The following DBET variants were observed in gnomAD, a reference collection of about 807,000 sequenced individuals.
DBET encodes the protein D4Z4 binding element transcript (non-protein coding).
chr4:190,064,598 T>A (rs1186707597), exon 1 of DBET: 1 of 139,084 alleles, frequency 7.2e-6, no homozygotes, highest in African/African-American at 3.1e-5. Context: ...GACTCCATCA[T>A]GTCCTTCAGC....
Position 190,064,595 on chromosome 4 carries a change from T to C in DBET, n.94T>C, listed in dbSNP as rs1156265198. The C allele has an allele frequency of 2.2e-5, 3 of 139,028 alleles. 1 individual carries two copies. The highest frequency in any genetic ancestry group is 9.2e-5 in the African/African-American group (3 of 32,504). 8.6% of individuals were successfully genotyped at this position (139,028 alleles called of 1,614,324 possible). ...ACAAACTGTCATCTATATGACTCCA[T>C]CATGTCCTTCAGCACTCCACATCAG... On this transcript the variant is annotated non_coding_transcript_exon_variant, in exon 1 of 1. Transcript: ENST00000630918.
In DBET at chr4:190,065,140, T is replaced by A. The variant is rs1289844133; in HGVS notation, n.639T>A. 32 of 479,930 alleles carry A rather than the reference T, an allele frequency of 6.7e-5. 8 individuals carry two copies. Among genetic ancestry groups the A allele is most frequent in the Non-Finnish European group, 1.2e-4 (32 of 270,762 alleles). 29.7% of individuals were successfully genotyped at this position (479,930 alleles called of 1,614,324 possible). A position where few individuals can be genotyped will look rare whatever the true frequency, so the allele number is the denominator to read the frequency against. On this transcript the variant is annotated non_coding_transcript_exon_variant, in exon 1 of 1. Transcript: ENST00000630918. ...GGATCTGGGAAAATCTGTGCACACT[T>A]CTGGAGACCCTTGTCATGCCATTAT... is the stretch of plus-strand genomic sequence containing the variant.
exon 1 of DBET, chr4:190,065,131 G>C (rs151123004): frequency 2.1e-6 from 1 of 467,620 alleles, no homozygotes; most frequent in Non-Finnish European, 3.8e-6. Context: ...GGGAAAATCT[G>C]TGCACACTTC....
At chr4:190,065,827 C>T (rs1353655233) in exon 1 of DBET, 49 of 81,780 alleles carry the variant, frequency 6.0e-4, no homozygotes, top group Middle Eastern at 4.1e-3. Flanking sequence ...AAACGGAGGC[C>T]CCGGGGGAGC....
At chr4:190,064,929 G>T (rs1365624283) in exon 1 of DBET, 2 of 243,506 alleles carry the variant, frequency 8.2e-6, no homozygotes, top group Non-Finnish European at 1.5e-5. Context: ...TTTTCAGAAA[G>T]CCTACTTCTA....
At chr4:190,065,228 C>G in exon 1 of DBET, 1 of 528,664 alleles carries the variant, frequency 1.9e-6, no homozygotes. Context: ...CATTGGGATG[C>G]GCGCGCCTGG....
chr4:190,065,156 A>G lies in DBET; in HGVS notation n.655A>G. 2 of 495,538 alleles carry G rather than the reference A, an allele frequency of 4.0e-6. 1 individual carries two copies. Among genetic ancestry groups the G allele is most frequent in the South Asian group, 4.2e-5 (2 of 47,884 alleles). 30.7% of individuals were successfully genotyped at this position (495,538 alleles called of 1,614,324 possible). A position where few individuals can be genotyped will look rare whatever the true frequency, so the allele number is the denominator to read the frequency against. Reference sequence around the variant, plus strand: ...GTGCACACTTCTGGAGACCCTTGTCATGCCATTATTTATAAATCTATTGTG... The same window carrying G: ...GTGCACACTTCTGGAGACCCTTGTCGTGCCATTATTTATAAATCTATTGTG... On this transcript the variant is annotated non_coding_transcript_exon_variant, in exon 1 of 1. Coordinates refer to ENST00000630918, the Ensembl canonical transcript of DBET.
At chr4:190,067,659 A>ACCG (rs1740734493) in exon 1 of DBET, 1 of 59,464 alleles carries the variant, frequency 1.7e-5, no homozygotes, top group African/African-American at 2.8e-4. Flanking sequence ...CCCCCCCCCC[A>ACCG]CCACCACCAC....
chr4:190,064,859 C>T (rs1740572125), exon 1 of DBET: 2 of 150,508 alleles, frequency 1.3e-5, no homozygotes, highest in South Asian at 2.0e-4. Context: ...CCCTATTAAA[C>T]GTCACGGACA....
At position 190,065,147 on chromosome 4, in the gene DBET, A is replaced by C; in HGVS notation, n.646A>C. ...GGAAAATCTGTGCACACTTCTGGAGACCCTTGTCATGCCATTATTTATAAA... is the reference window on the plus strand; with the variant it reads ...GGAAAATCTGTGCACACTTCTGGAGCCCCTTGTCATGCCATTATTTATAAA... On this transcript the variant is annotated non_coding_transcript_exon_variant, in exon 1 of 1. Transcript: ENST00000630918. The C allele has an allele frequency of 1.0e-5, 5 of 482,844 alleles. 1 individual carries two copies. The highest frequency in any genetic ancestry group is 1.8e-5 in the Non-Finnish European group (5 of 271,796). 29.9% of individuals were successfully genotyped at this position (482,844 alleles called of 1,614,324 possible).
At chr4:190,065,138 C>T (rs797038175) in exon 1 of DBET, 1 of 477,916 alleles carries the variant, frequency 2.1e-6, no homozygotes, top group Non-Finnish European at 3.7e-6. Context: ...TCTGTGCACA[C>T]TTCTGGAGAC....
rs1336468126 is a variant in DBET, at chr4:190,065,189, T to A, written n.688T>A. The A allele has an allele frequency of 8.6e-6, 5 of 579,318 alleles. 1 individual carries two copies. The highest frequency in any genetic ancestry group is 5.3e-5 in the Admixed American group (2 of 37,414). 35.9% of individuals were successfully genotyped at this position (579,318 alleles called of 1,614,324 possible). ...ATTTATAAATCTATTGTGCCTCAAG[T>A]CAGAAGTGTGTGAGGGGAGATGGGG... On this transcript the variant is annotated non_coding_transcript_exon_variant, in exon 1 of 1. Coordinates refer to ENST00000630918, the Ensembl canonical transcript of DBET.
chr4:190,065,149 C>T (rs1360774104), exon 1 of DBET: 8 of 489,480 alleles, frequency 1.6e-5, no homozygotes, highest in African/African-American at 2.9e-5. Context: ...TTCTGGAGAC[C>T]CTTGTCATGC....
At chr4:190,064,891 G>A (rs1455748579) in exon 1 of DBET, 2 of 185,164 alleles carry the variant, frequency 1.1e-5, no homozygotes, top group African/African-American at 3.1e-5. Flanking sequence ...TGAATATACT[G>A]TGGTCATCTC....
At chr4:190,064,557 CT>C (rs1472657200) in exon 1 of DBET, 1 of 139,408 alleles carries the variant, frequency 7.2e-6, no homozygotes, top group Non-Finnish European at 1.5e-5. Flanking sequence ...ACTCATCTTT[CT>C]TCTCAGCAGA....
chr4:190,065,155 C>G, exon 1 of DBET: 1 of 496,558 alleles, frequency 2.0e-6, no homozygotes, highest in Non-Finnish European at 3.6e-6. Context: ...AGACCCTTGT[C>G]ATGCCATTAT....
At position 190,065,195 on chromosome 4, in the gene DBET, G is replaced by C. The variant is rs1473599136; in HGVS notation, n.694G>C. The C allele has an allele frequency of 4.1e-4, 240 of 583,466 alleles. 26 individuals carry two copies. The African/African-American group carries it at 5.5e-3, about 13-fold the overall frequency. 36.1% of individuals were successfully genotyped at this position (583,466 alleles called of 1,614,324 possible). Reference sequence around the variant, plus strand: ...AAATCTATTGTGCCTCAAGTCAGAAGTGTGTGAGGGGAGATGGGGAGACAT... The same window carrying C: ...AAATCTATTGTGCCTCAAGTCAGAACTGTGTGAGGGGAGATGGGGAGACAT... On this transcript the variant is annotated non_coding_transcript_exon_variant, in exon 1 of 1. Transcript: ENST00000630918.
chr4:190,064,587 T>C (rs1161013781), exon 1 of DBET: 1 of 139,414 alleles, frequency 7.2e-6, no homozygotes, highest in Non-Finnish European at 1.5e-5. Flanking sequence ...GTCATCTATA[T>C]GACTCCATCA....
At chr4:190,065,292 TGCAGCCCAGCCAGG>T in exon 1 of DBET, 1 of 535,308 alleles carries the variant, frequency 1.9e-6, no homozygotes, top group Admixed American at 2.9e-5. Flanking sequence ...GCCCCCGCGC[TGCAGCCCAGCCAGG>T]CCGCGCCGGC....
Sources: gnomAD v4.1 joint callset for allele counts on GRCh38, gnomAD v4.1.1 for gene constraint, MANE v1.5 for transcripts, NCBI Gene and HGNC (gene_info 2026-07-23, HGNC 2026-07-21) for gene names.